The following ITGAX variants were observed in gnomAD, a reference collection of about 807,000 sequenced individuals.
ITGAX encodes integrin subunit alpha X, also known as integrin alpha-X.
ITGAX carries 99 observed loss-of-function variants against 140.2 expected under a neutral mutation model. That is an observed-to-expected ratio of 0.71 (90% CI 0.60 to 0.83). The LOEUF (loss-of-function observed/expected upper bound fraction) is 0.83, where lower values mean the gene tolerates loss of function less well. Among genes scored for constraint, ITGAX ranks in the 40% least tolerant of loss-of-function variants. The pLI, the probability that ITGAX is intolerant of heterozygous loss-of-function variation, is 0.00. For synonymous variants in ITGAX, 631 were observed against 600.4 expected (o/e 1.05, Z -0.75); for missense variants, 1,444 against 1,482.0 (o/e 0.97, Z 0.42).
intron 5 of ITGAX, among the ~76,000 whole-genome samples, chr16:31,358,664 C>T (rs1378918036): frequency 2.0e-5 from 3 of 148,708 alleles, no homozygotes; most frequent in Non-Finnish European, 4.5e-5. Context: ...CAAACACTGG[C>T]TAGGGACTGG....
chr16:31,374,131 A>T (rs1400747513), intron 20 of ITGAX, among the ~76,000 whole-genome samples: 3 of 152,124 alleles, frequency 2.0e-5, no homozygotes, highest in African/African-American at 4.8e-5. Context: ...TCTACGAAAA[A>T]TACAAAAATT....
chr16:31,355,872 C>G (rs2080753784), intron 1 of ITGAX, 21 bp from the exon 2 acceptor site: 2 of 1,583,052 alleles, frequency 1.3e-6, no homozygotes, highest in Non-Finnish European at 1.7e-6. Context: ...CTCCAAAGCT[C>G]TCTTCCCACC....
At chr16:31,360,273 G>A (rs920881634) in intron 7 of ITGAX, 37 bp from the exon 8 acceptor site, 1 of 1,572,632 alleles carries the variant, frequency 6.4e-7, no homozygotes, top group Non-Finnish European at 8.6e-7. Flanking sequence ...AGTGTGGTTT[G>A]GTTCACAGGC....
Position 31,362,108 on chromosome 16 carries a change from A to G in ITGAX, c.1120A>G (p.Thr374Ala). 3 of 1,613,964 alleles carry G rather than the reference A, an allele frequency of 1.9e-6. No homozygotes were observed. The highest frequency in any genetic ancestry group is 2.5e-6 in the Non-Finnish European group (3 of 1,179,978). Residue 374 changes from threonine to alanine, a missense_variant, in exon 11 of 30, where the codon ACC (threonine) becomes GCC (alanine). Physicochemically the swap from Thr to Ala is moderately conservative, Grantham distance 58 (BLOSUM62 0). Transcript: ENST00000268296. ...GPVLGAVGSF[T>A]WSGGAFLYPP... ...CGTTCTGGGGGCTGTGGGGAGCTTC[A>G]CCTGGTCTGGAGGTGCCTTCCTGTA...
intron 14 of ITGAX, among the ~76,000 whole-genome samples, chr16:31,365,131 A>G (rs1465526453): frequency 2.0e-5 from 3 of 152,206 alleles, no homozygotes; most frequent in Non-Finnish European, 4.4e-5. Context: ...ACATGTATTC[A>G]GGCCAAATGT....
intron 9 of ITGAX, 98 bp from the exon 10 acceptor site, chr16:31,361,738 G>A: frequency 7.7e-7 from 1 of 1,296,762 alleles, no homozygotes; most frequent in South Asian, 1.2e-5. Flanking sequence ...AGCTCTCCCT[G>A]TAGCCTCCAG....
intron 11 of ITGAX, 64 bp from the exon 12 acceptor site, chr16:31,362,547 G>A (rs2080842335): frequency 1.9e-6 from 3 of 1,539,704 alleles, no homozygotes; most frequent in East Asian, 4.7e-5. Flanking sequence ...GCTGCCCGGG[G>A]TGGGGGTCCA....
chr16:31,374,614 AT>A (rs904666616), intron 20 of ITGAX, among the ~76,000 whole-genome samples: 1 of 151,748 alleles, frequency 6.6e-6, no homozygotes, highest in Non-Finnish European at 1.5e-5. Flanking sequence ...TAATTTTTTA[AT>A]TTTTTTTGTA....
Position 31,381,981 on chromosome 16 carries a change from C to T in ITGAX, c.*74C>T, listed in dbSNP as rs1047455294. The T allele has an allele frequency of 1.8e-5, 27 of 1,464,570 alleles. 1 individual carries two copies. The highest frequency in any genetic ancestry group is 4.6e-4 in the Middle Eastern group (2 of 4,312). 90.7% of individuals were successfully genotyped at this position (1,464,570 alleles called of 1,614,324 possible). A position where few individuals can be genotyped will look rare whatever the true frequency, so the allele number is the denominator to read the frequency against. Reference sequence around the variant, plus strand: ...ACTTACCCTCACCTGTCAGGCCTGACGGGGAGGAACCACTGCACCACCGAG... The same window carrying T: ...ACTTACCCTCACCTGTCAGGCCTGATGGGGAGGAACCACTGCACCACCGAG... On this transcript the variant is annotated 3_prime_UTR_variant, in exon 30 of 30. Coordinates refer to ENST00000268296, the MANE Select transcript of ITGAX (RefSeq NM_000887.5).
chr16:31,369,022 C>T (rs1358967548), intron 14 of ITGAX, among the ~76,000 whole-genome samples: 3 of 152,226 alleles, frequency 2.0e-5, no homozygotes, highest in Non-Finnish European at 2.9e-5. Context: ...TACACAGACA[C>T]GGCAACCATC....
Position 31,355,990 on chromosome 16 carries a change from C to T in ITGAX, c.135C>T (p.Ala45=). The T allele has an allele frequency of 6.2e-7, 1 of 1,611,256 alleles. No individual in the cohort carries two copies. The highest frequency in any genetic ancestry group is 2.2e-5 in the East Asian group (1 of 44,750). The part of the protein sequence containing the change: ...AGFGDSVVQY[A]NSWVVVGAPQ... ...TTGGAGACAGCGTGGTCCAGTATGCCAACTCCTGGTGAGGCCCAGGTGGTG... is the reference window on the plus strand; with the variant it reads ...TTGGAGACAGCGTGGTCCAGTATGCTAACTCCTGGTGAGGCCCAGGTGGTG... Residue 45 remains alanine (A), a synonymous_variant, in exon 2 of 30, where the codon GCC becomes GCT. Transcript: ENST00000268296.
At position 31,380,017 on chromosome 16, in the gene ITGAX, AC is replaced by A; in HGVS notation, c.3017del (p.Pro1006GlnfsTer42). ...TTCGGTGCTCCTCAGAGAAAATCGCACCCCCAGCATCTGACTTCCTGGCGCA... is the reference window on the plus strand; with the variant it reads ...TTCGGTGCTCCTCAGAGAAAATCGCACCCCAGCATCTGACTTCCTGGCGCA... ...SLRCSSEKIAPPASDFLAHIQ... is the reference protein window; with the variant it reads ...SLRCSSEKIAXPASDFLAHIQ... On this transcript the variant is annotated frameshift_variant, in exon 26 of 30. Coordinates refer to ENST00000268296, the MANE Select transcript of ITGAX (RefSeq NM_000887.5). LOFTEE classifies it high-confidence loss of function. 1 of 1,613,922 alleles carries A rather than the reference AC, an allele frequency of 6.2e-7. No individual in the cohort carries two copies. Among genetic ancestry groups the A allele is most frequent in the Non-Finnish European group, 8.5e-7 (1 of 1,179,976 alleles).
intron 16 of ITGAX, 50 bp downstream of exon 16, chr16:31,371,547 C>A (rs746263924): frequency 6.2e-7 from 1 of 1,609,586 alleles, no homozygotes; most frequent in Non-Finnish European, 8.5e-7. Context: ...TGGAGTCCCC[C>A]ATCCCAGGCC....
At position 31,382,480 on chromosome 16, in the gene ITGAX, C is replaced by T. The variant is rs867175699; in HGVS notation, c.*573C>T. On this transcript the variant is annotated 3_prime_UTR_variant, in exon 30 of 30. Transcript: ENST00000268296. ...CTGTCTTCAACAGCTCCCCATTACCCTCAGGACAATGTCTGAACTCTCCAG... is the reference window on the plus strand; with the variant it reads ...CTGTCTTCAACAGCTCCCCATTACCTTCAGGACAATGTCTGAACTCTCCAG... 6 of 1,523,000 alleles carry T rather than the reference C, an allele frequency of 3.9e-6. No individual in the cohort carries two copies. The Middle Eastern group carries it at 5.0e-4, about 127-fold the overall frequency. 94.3% of individuals were successfully genotyped at this position (1,523,000 alleles called of 1,614,324 possible).
chr16:31,359,819 C>T lies in ITGAX; in HGVS notation c.550C>T (p.Pro184Ser), dbSNP rs1567295810. 2 of 1,614,168 alleles carry T rather than the reference C, an allele frequency of 1.2e-6. No homozygotes were observed. The highest frequency in any genetic ancestry group is 1.7e-6 in the Non-Finnish European group (2 of 1,180,040). ...VRAVISQFQR[P>S]STQFSLMQFS... is the part of the protein sequence containing the mutation. ...AGCTGTGATAAGCCAGTTCCAGAGA[C>T]CCAGCACCCAGGTGTGCCTTTGGGG... Residue 184 changes from proline to serine, a missense_variant, in exon 6 of 30, where the codon CCC becomes TCC. Physicochemically the swap from Pro to Ser is moderately conservative, Grantham distance 74. Coordinates refer to ENST00000268296, the MANE Select transcript of ITGAX (RefSeq NM_000887.5).
chr16:31,371,909 C>T (rs1369640744), intron 17 of ITGAX, 125 bp downstream of exon 17: 11 of 1,138,384 alleles, frequency 9.7e-6, no homozygotes, highest in East Asian at 7.6e-5. Flanking sequence ...CCATGCAGGA[C>T]GTGCTTACTG....
chr16:31,371,563 C>T (rs2142514547), intron 16 of ITGAX, 66 bp downstream of exon 16: 1 of 1,610,534 alleles, frequency 6.2e-7, no homozygotes, highest in Non-Finnish European at 8.5e-7. Flanking sequence ...AGGCCCCTGT[C>T]TCCCACCCTG....
chr16:31,372,545 A>G (rs903477719), intron 18 of ITGAX, 36 bp downstream of exon 18: 3 of 1,613,390 alleles, frequency 1.9e-6, no homozygotes, highest in Admixed American at 1.7e-5. Flanking sequence ...GAGAGGGTGC[A>G]CAGCGTGGGG....
Position 31,361,139 on chromosome 16 carries a change from T to G in ITGAX, c.938T>G (p.Ile313Arg). ...GCATCGAAGCCCTCCCAGGAACACA[T>G]ATTTAAAGTGGAGGACTTTGATGCT... ...DIASKPSQEH[I>R]FKVEDFDALK... The change falls in exon 9 of 30, where the codon ATA (isoleucine) becomes AGA (arginine). Residue 313 changes from isoleucine to arginine, a missense_variant. By Grantham distance (97) the Ile-to-Arg change is moderately conservative. Coordinates refer to ENST00000268296, the MANE Select transcript of ITGAX (RefSeq NM_000887.5). The G allele has an allele frequency of 6.2e-7, 1 of 1,613,676 alleles. No homozygotes were observed. The highest frequency in any genetic ancestry group is 8.5e-7 in the Non-Finnish European group (1 of 1,179,876).
Sources: gnomAD v4.1 joint callset for allele counts (sites outside exome capture counted in the v4.1 genomes callset) on GRCh38, gnomAD v4.1.1 for gene constraint, MANE v1.5 for transcripts, NCBI Gene and HGNC (gene_info 2026-07-23, HGNC 2026-07-21) for gene names.